PPFIBP1: variants seen among roughly 807,000 people sequenced by gnomAD.
PPFIBP1 encodes the protein PPFIB scaffold protein 1.
Under a neutral mutation model 137.8 loss-of-function variants are expected in PPFIBP1, and 112 were observed. The ratio of observed to expected loss-of-function variants is 0.81; its 90% CI spans 0.70 to 0.95. The LOEUF is 0.95. Among genes scored for constraint, PPFIBP1 ranks in the 40% least tolerant of loss-of-function variants. The pLI is 0.00. For missense variants in PPFIBP1, 1,083 were observed against 1,196.6 expected (o/e 0.91, Z 1.40); for synonymous variants, 378 against 417.3 (o/e 0.91, Z 1.15).
intron 1 of PPFIBP1, among the ~76,000 whole-genome samples, chr12:27,528,234 C>A (rs1369076552): frequency 6.6e-6 from 1 of 151,978 alleles, no homozygotes; most frequent in Non-Finnish European, 1.5e-5. Flanking sequence ...TAGGAGTGAG[C>A]CACCACGCCT....
intron 1 of PPFIBP1, among the ~76,000 whole-genome samples, chr12:27,555,761 G>T (rs914118865): frequency 6.6e-6 from 1 of 151,926 alleles, no homozygotes; most frequent in Non-Finnish European, 1.5e-5. Context: ...ATATTATTTT[G>T]GGGGAAAAAG....
At chr12:27,625,803 C>T (rs908839034) in intron 2 of PPFIBP1, among the ~76,000 whole-genome samples, 2 of 151,896 alleles carry the variant, frequency 1.3e-5, no homozygotes, top group Non-Finnish European at 2.9e-5. Flanking sequence ...AGGCTGGTCT[C>T]GAACTCCTGA....
chr12:27,541,716 C>T (rs1198165904), intron 1 of PPFIBP1, among the ~76,000 whole-genome samples: 4 of 152,062 alleles, frequency 2.6e-5, no homozygotes, highest in Non-Finnish European at 5.9e-5. Context: ...TTTGCAAAAC[C>T]CTTTCACTAG....
intron 18 of PPFIBP1, 45 bp downstream of exon 18, chr12:27,676,644 G>A (rs751990990): frequency 7.0e-7 from 1 of 1,431,416 alleles, no homozygotes; most frequent in East Asian, 2.3e-5. Context: ...TCCACAAGGA[G>A]GAAAAGAGCA....
intron 27 of PPFIBP1, 57 bp from the exon 28 acceptor site, chr12:27,691,692 T>C (rs931846621): frequency 8.8e-6 from 13 of 1,469,068 alleles, no homozygotes; most frequent in Non-Finnish European, 1.0e-5. Context: ...TATCAGGCCT[T>C]GATTATATGA....
At chr12:27,683,786 A>AT (rs1227650500) in intron 24 of PPFIBP1, among the ~76,000 whole-genome samples, 1 of 150,560 alleles carries the variant, frequency 6.6e-6, no homozygotes, top group Non-Finnish European at 1.5e-5. Flanking sequence ...TTTTATTTTT[A>AT]TTTTATTTTA....
chr12:27,681,359 G>A (rs2060862488), intron 21 of PPFIBP1, among the ~76,000 whole-genome samples, 187 bp from the exon 22 acceptor site: 1 of 152,198 alleles, frequency 6.6e-6, no homozygotes, highest in Non-Finnish European at 1.5e-5. Flanking sequence ...AATGAAGACA[G>A]TGGTCTTAGA....
At position 27,664,397 on chromosome 12, in the gene PPFIBP1, C is replaced by G; in HGVS notation, c.942C>G (p.Asn314Lys). Residue 314 changes from asparagine to lysine, a missense_variant, in exon 12 of 30, where the codon AAC becomes AAG. Asn to Lys is a moderately conservative substitution (Grantham distance 94). Transcript: ENST00000228425. ...TAGAAGATCTTCGACAGTGCCTGAA[C>G]AGGTACAAGAAAATGCAAGACACGG... ...RKIEDLRQCL[N>K]RYKKMQDTVV... 1 of 1,612,806 alleles carries G rather than the reference C, an allele frequency of 6.2e-7. No individual in the cohort carries two copies. The highest frequency in any genetic ancestry group is 8.5e-7 in the Non-Finnish European group (1 of 1,179,066).
At chr12:27,538,579 T>C (rs1407040209) in intron 1 of PPFIBP1, among the ~76,000 whole-genome samples, 1 of 152,208 alleles carries the variant, frequency 6.6e-6, no homozygotes, top group Non-Finnish European at 1.5e-5. Flanking sequence ...TCAAATAGAT[T>C]ATGGACTAGT....
Position 27,599,150 on chromosome 12 carries a change from G to A in PPFIBP1, c.-36+20911G>A, listed in dbSNP as rs561471528. Among the ~76,000 whole-genome samples the A allele has an allele frequency of 2.6e-5, 4 of 152,308 alleles. No individual in the cohort carries two copies. In the South Asian group the frequency reaches 8.3e-4, roughly 32 times the overall value. The stretch of plus-strand genomic sequence containing the variant: ...TTTCATCTTGGCTAGGCCATGTGGT[G>A]CTCAGATATTTGTTCAACATTATTC... On this transcript the variant is annotated intron_variant, in intron 2 of 29. Transcript: ENST00000228425.
At chr12:27,580,464 A>G (rs1042684154) in intron 2 of PPFIBP1, among the ~76,000 whole-genome samples, 4 of 152,166 alleles carry the variant, frequency 2.6e-5, no homozygotes, top group African/African-American at 9.7e-5. Context: ...CTCCGCCTCT[A>G]AGATTCCCCC....
At chr12:27,617,009 A>G (rs1436393547) in intron 2 of PPFIBP1, among the ~76,000 whole-genome samples, 1 of 152,214 alleles carries the variant, frequency 6.6e-6, no homozygotes, top group African/African-American at 2.4e-5. Context: ...AGCCAACTCA[A>G]CTTCCTCTGG....
chr12:27,583,369 T>C (rs1374447808), intron 2 of PPFIBP1, among the ~76,000 whole-genome samples: 1 of 152,242 alleles, frequency 6.6e-6, no homozygotes, highest in African/African-American at 2.4e-5. Context: ...GTTGTTTTCC[T>C]GCTCAAGGAG....
chr12:27,692,268 G>A (rs905480225), intron 28 of PPFIBP1, among the ~76,000 whole-genome samples: 1 of 152,180 alleles, frequency 6.6e-6, no homozygotes, highest in Non-Finnish European at 1.5e-5. Flanking sequence ...TGCCATCTCT[G>A]TATTAAAACA....
intron 13 of PPFIBP1, among the ~76,000 whole-genome samples, chr12:27,667,869 A>G (rs902042275): frequency 6.6e-6 from 1 of 152,084 alleles, no homozygotes; most frequent in Non-Finnish European, 1.5e-5. Flanking sequence ...CTTCCTCACA[A>G]TCCTAAGGGT....
At chr12:27,661,478 TC>T (rs11356760) in intron 11 of PPFIBP1, among the ~76,000 whole-genome samples, 151,535 of 152,168 alleles carry the variant, frequency 1, 75,458 homozygotes, top group East Asian at 1. Context: ...ACAGGTTTCC[TC>T]CCCCCCCAGT....
At chr12:27,623,642 A>G (rs1003213160) in intron 2 of PPFIBP1, among the ~76,000 whole-genome samples, 6 of 152,184 alleles carry the variant, frequency 3.9e-5, no homozygotes, top group African/African-American at 1.4e-4. Context: ...CAGAAGGTCA[A>G]GGCTGCAGTG....
intron 2 of PPFIBP1, among the ~76,000 whole-genome samples, chr12:27,631,500 A>G (rs1764947380): frequency 6.6e-6 from 1 of 152,226 alleles, no homozygotes. Context: ...TGACTAGTAC[A>G]TGTAGGCTGC....
intron 2 of PPFIBP1, among the ~76,000 whole-genome samples, chr12:27,593,005 G>A (rs1261997542): frequency 1.3e-5 from 2 of 151,388 alleles, no homozygotes. Context: ...GGTAGCAGAC[G>A]CCTATAATCC....
Sources: gnomAD v4.1 joint callset for allele counts (sites outside exome capture counted in the v4.1 genomes callset) on GRCh38, gnomAD v4.1.1 for gene constraint, MANE v1.5 for transcripts, NCBI Gene and HGNC (gene_info 2026-07-23, HGNC 2026-07-21) for gene names.